The following GPM6A variants were observed in gnomAD, a reference collection of about 807,000 sequenced individuals.
The protein encoded by GPM6A is neuronal membrane glycoprotein M6-a.
In GPM6A, 7 loss-of-function variants were observed where a neutral mutation model predicts 32.1. The ratio of observed to expected loss-of-function variants is 0.22; its 90% CI spans 0.12 to 0.41. GPM6A has a LOEUF of 0.41. Ranked by LOEUF, GPM6A falls within the 10% of genes least tolerant of loss-of-function variation. The probability of loss-of-function intolerance (pLI) is 1.00; values close to 1 mark genes in which losing one functional copy is unlikely to be tolerated. For synonymous variants in GPM6A, 130 were observed against 123.4 expected, an observed-to-expected ratio of 1.05 and a Z score of -0.35; for missense variants, 235 against 347.2, an observed-to-expected ratio of 0.68 and a Z score of 2.57.
intron 1 of GPM6A, among the ~76,000 whole-genome samples, chr4:175,712,217 G>A (rs1745592749): frequency 6.6e-6 from 1 of 152,180 alleles, no homozygotes; most frequent in African/African-American, 2.4e-5. Flanking sequence ...GTTTCCTAGA[G>A]TTAAGGGCAT....
intron 3 of GPM6A, among the ~76,000 whole-genome samples, chr4:175,666,514 A>G (rs1389927250): frequency 1.3e-5 from 2 of 152,224 alleles, no homozygotes. Context: ...CTTTGCATAA[A>G]GATTTTTCCC....
chr4:175,959,644 CA>C (rs1358081034), intron 1 of GPM6A, among the ~76,000 whole-genome samples: 1 of 152,134 alleles, frequency 6.6e-6, no homozygotes, highest in African/African-American at 2.4e-5. Context: ...CTCTGTGTGA[CA>C]AAAGAGTCAA....
chr4:175,889,028 CATT>C (rs1233808164), intron 1 of GPM6A, among the ~76,000 whole-genome samples: 28 of 152,132 alleles, frequency 1.8e-4, no homozygotes, highest in Admixed American at 1.6e-3. Context: ...AATTAGGTAA[CATT>C]ATAAATCAGA....
At chr4:175,699,812 G>T (rs895434066) in intron 2 of GPM6A, among the ~76,000 whole-genome samples, 4 of 151,872 alleles carry the variant, frequency 2.6e-5, no homozygotes, top group Admixed American at 6.6e-5. Context: ...TCTGTCCAGG[G>T]GTATATGTTG....
intron 1 of GPM6A, among the ~76,000 whole-genome samples, chr4:175,856,034 A>T (rs1054219800): frequency 1.3e-5 from 2 of 152,192 alleles, no homozygotes; most frequent in African/African-American, 4.8e-5. Context: ...GATGAGATAT[A>T]AACAAGATAA....
In GPM6A at chr4:175,959,067, G is replaced by A. The variant is rs546250249; in HGVS notation, c.-23+43242C>T. 4.6e-5 allele frequency among the ~76,000 whole-genome samples: 7 copies of A among 152,174 alleles called. No individual in the cohort carries two copies. The East Asian group carries it at 1.2e-3, about 25-fold the overall frequency. On this transcript the variant is annotated intron_variant, in intron 1 of 7. Coordinates refer to the GPM6A transcript ENST00000280187. Reference sequence around the variant, plus strand: ...TAAAAACCCTATAGTTACAATATAGGTAGGAATAGTAGACGGAAGGAAAAC... The same window carrying A: ...TAAAAACCCTATAGTTACAATATAGATAGGAATAGTAGACGGAAGGAAAAC...
At chr4:175,851,680 A>G (rs1231330931) in intron 1 of GPM6A, among the ~76,000 whole-genome samples, 2 of 152,186 alleles carry the variant, frequency 1.3e-5, no homozygotes, top group Non-Finnish European at 2.9e-5. Context: ...CTTCAGACCC[A>G]CACAGTTTGC....
intron 1 of GPM6A, among the ~76,000 whole-genome samples, chr4:175,843,230 A>C (rs1735993042): frequency 6.6e-6 from 1 of 152,210 alleles, no homozygotes; most frequent in Non-Finnish European, 1.5e-5. Flanking sequence ...AAAATACAGA[A>C]TATAAACACT....
intron 1 of GPM6A, among the ~76,000 whole-genome samples, chr4:175,928,981 G>C (rs1738937876): frequency 6.6e-6 from 1 of 152,164 alleles, no homozygotes; most frequent in Non-Finnish European, 1.5e-5. Context: ...TTCATATCTT[G>C]AGGAACACTT....
At chr4:175,804,840 T>G (rs1273445188) in intron 1 of GPM6A, among the ~76,000 whole-genome samples, 1 of 151,856 alleles carries the variant, frequency 6.6e-6, no homozygotes, top group Non-Finnish European at 1.5e-5. Context: ...GGTCAGGAGA[T>G]CGAGACCATC....
At chr4:175,725,517 T>G (rs1465931239) in intron 1 of GPM6A, among the ~76,000 whole-genome samples, 3 of 152,090 alleles carry the variant, frequency 2.0e-5, no homozygotes, top group Admixed American at 2.0e-4. Context: ...GGTCTAGAAC[T>G]CCTGCCTCAA....
chr4:175,722,396 ATAAG>A (rs1359512526), intron 1 of GPM6A, among the ~76,000 whole-genome samples: 1 of 152,110 alleles, frequency 6.6e-6, no homozygotes, highest in Non-Finnish European at 1.5e-5. Context: ...TTCAACTTTT[ATAAG>A]TAATTAAAGT....
chr4:175,945,035 T>A (rs1412669229), intron 1 of GPM6A, among the ~76,000 whole-genome samples: 9 of 152,112 alleles, frequency 5.9e-5, no homozygotes, highest in African/African-American at 2.2e-4. Flanking sequence ...CAAAACTGAT[T>A]AAAGGTTTAA....
intron 1 of GPM6A, among the ~76,000 whole-genome samples, chr4:175,912,984 A>G (rs1738370330): frequency 6.6e-6 from 1 of 152,176 alleles, no homozygotes; most frequent in African/African-American, 2.4e-5. Flanking sequence ...TTTTCCCTAA[A>G]ATTTACTTTA....
intron 1 of GPM6A, among the ~76,000 whole-genome samples, chr4:175,752,818 C>G (rs115004944): frequency 1.3e-3 from 197 of 152,236 alleles, no homozygotes; most frequent in African/African-American, 3.9e-3. Flanking sequence ...GGGGCATAAT[C>G]TGAATAGTGA....
At chr4:175,975,703 CTT>C (rs2126431798) in intron 1 of GPM6A, among the ~76,000 whole-genome samples, 1 of 152,206 alleles carries the variant, frequency 6.6e-6, no homozygotes, top group South Asian at 2.1e-4. Flanking sequence ...TATTAGATAA[CTT>C]AATCTATCAT....
chr4:175,902,839 G>A (rs981753207), intron 1 of GPM6A, among the ~76,000 whole-genome samples: 7 of 151,956 alleles, frequency 4.6e-5, no homozygotes, highest in East Asian at 1.9e-4. Context: ...CTAGTTTTCC[G>A]TGGCAATGGG....
chr4:175,639,313 C>T (rs1014940544), intron 6 of GPM6A, among the ~76,000 whole-genome samples: 26 of 152,056 alleles, frequency 1.7e-4, no homozygotes, highest in African/African-American at 6.3e-4. Context: ...GTTCCTTTCA[C>T]CAATACATTA....
chr4:175,797,851 A>G (rs1431223293), intron 1 of GPM6A, among the ~76,000 whole-genome samples: 1 of 152,186 alleles, frequency 6.6e-6, no homozygotes, highest in Non-Finnish European at 1.5e-5. Flanking sequence ...TTTCAAATCC[A>G]TAATATCTTT....
Sources: gnomAD v4.1 joint callset for allele counts (sites outside exome capture counted in the v4.1 genomes callset) on GRCh38, gnomAD v4.1.1 for gene constraint, MANE v1.5 for transcripts, NCBI Gene and HGNC (gene_info 2026-07-23, HGNC 2026-07-21) for gene names.